Variants in XYLT1 observed in about 807,000 individuals in gnomAD.
XYLT1 encodes the protein xylosyltransferase 1.
A neutral mutation model predicts 91.3 loss-of-function variants in XYLT1; 36 were observed. The observed-to-expected ratio is 0.39, with a 90% CI of 0.30 to 0.52. XYLT1 has a LOEUF of 0.52. XYLT1 is among the 20% of genes least tolerant of loss of function. The probability of loss-of-function intolerance (pLI) is 0.68; values close to 1 mark genes in which losing one functional copy is unlikely to be tolerated. For synonymous variants in XYLT1, 588 were observed against 532.0 expected (o/e 1.11, Z -1.45); for missense variants, 1,242 against 1,284.5 (o/e 0.97, Z 0.51).
intron 1 of XYLT1, among the ~76,000 whole-genome samples, chr16:17,429,894 C>T (rs2036368483): frequency 6.6e-6 from 1 of 151,598 alleles, no homozygotes; most frequent in Non-Finnish European, 1.5e-5. Context: ...GCAGGGACTT[C>T]CCAAACTCCA....
At chr16:17,117,556 T>C (rs1276705803) in intron 11 of XYLT1, 90 bp downstream of exon 11, 1 of 1,387,288 alleles carries the variant, frequency 7.2e-7, no homozygotes, top group Admixed American at 2.2e-5. Context: ...GCTTACCCTA[T>C]GTCTGAGCAG....
At chr16:17,463,760 C>A (rs1168627812) in intron 1 of XYLT1, among the ~76,000 whole-genome samples, 1 of 152,236 alleles carries the variant, frequency 6.6e-6, no homozygotes, top group Non-Finnish European at 1.5e-5. Context: ...GAAAGGAAAT[C>A]AATAAATCCA....
chr16:17,393,815 G>A (rs562398133), intron 1 of XYLT1, among the ~76,000 whole-genome samples: 129 of 151,870 alleles, frequency 8.5e-4, no homozygotes, highest in African/African-American at 2.1e-3. Flanking sequence ...TTGCTCTGTC[G>A]CCCAGGCTAG....
At chr16:17,444,924 C>T (rs1263208477) in intron 1 of XYLT1, among the ~76,000 whole-genome samples, 1 of 152,146 alleles carries the variant, frequency 6.6e-6, no homozygotes, top group East Asian at 1.9e-4. Flanking sequence ...CTAGCTATGG[C>T]ACCTGGAGCA....
At chr16:17,196,233 G>A (rs750478286) in intron 5 of XYLT1, among the ~76,000 whole-genome samples, 15 of 152,226 alleles carry the variant, frequency 9.9e-5, no homozygotes, top group Admixed American at 3.3e-4. Context: ...TAGCTTTAAA[G>A]AGAGGTAGGT....
intron 1 of XYLT1, among the ~76,000 whole-genome samples, chr16:17,454,988 A>G (rs548834072): frequency 1.4e-3 from 208 of 146,796 alleles, no homozygotes; most frequent in Non-Finnish European, 2.0e-3. Context: ...GCAAAGGACC[A>G]GATTTGGCTT....
intron 2 of XYLT1, among the ~76,000 whole-genome samples, chr16:17,357,709 A>G (rs953351888): frequency 6.6e-6 from 1 of 152,182 alleles, no homozygotes; most frequent in South Asian, 2.1e-4. Context: ...GAACCTCCGC[A>G]TGATGGTTGG....
chr16:17,406,720 C>G (rs566622370), intron 1 of XYLT1, among the ~76,000 whole-genome samples: 1 of 152,182 alleles, frequency 6.6e-6, no homozygotes, highest in African/African-American at 2.4e-5. Flanking sequence ...TCAAAAGGGA[C>G]CACAACGCCC....
At chr16:17,449,524 G>A (rs891915686) in intron 1 of XYLT1, among the ~76,000 whole-genome samples, 16 of 152,318 alleles carry the variant, frequency 1.1e-4, no homozygotes, top group African/African-American at 1.7e-4. Context: ...TTATGCACAC[G>A]GGCTTGTGGG....
At chr16:17,264,740 A>G (rs2033776548) in intron 2 of XYLT1, among the ~76,000 whole-genome samples, 2 of 152,166 alleles carry the variant, frequency 1.3e-5, no homozygotes, top group Admixed American at 1.3e-4. Context: ...CAGTATTAGT[A>G]CTCCTTAAGA....
At chr16:17,113,284 G>T (rs1056592090) in intron 11 of XYLT1, among the ~76,000 whole-genome samples, 2 of 151,970 alleles carry the variant, frequency 1.3e-5, no homozygotes, top group African/African-American at 4.8e-5. Context: ...TGGGATTTCA[G>T]GCACCCGTCA....
At chr16:17,192,373 A>C (rs965824210) in intron 5 of XYLT1, among the ~76,000 whole-genome samples, 1 of 152,124 alleles carries the variant, frequency 6.6e-6, no homozygotes, top group Non-Finnish European at 1.5e-5. Context: ...TGCTGGTGGC[A>C]TTACAGGCAT....
In XYLT1 at chr16:17,390,547, A is replaced by G. The variant is rs1008357223; in HGVS notation, c.364-32497T>C. Among the ~76,000 whole-genome samples the G allele has an allele frequency of 2.0e-5, 3 of 152,246 alleles. No homozygotes were observed. The South Asian group carries it at 6.2e-4, about 32-fold the overall frequency. The stretch of plus-strand genomic sequence containing the variant: ...TTGCAAAAACGGTAACAGTGAGAAA[A>G]TTATGACAGTGAAAGAGGTCTGATC... On this transcript the variant is annotated intron_variant, in intron 1 of 11. Transcript: ENST00000261381.
intron 2 of XYLT1, among the ~76,000 whole-genome samples, chr16:17,269,818 T>TATTATTATTATTATTATC (rs1361680760): frequency 1.3e-4 from 20 of 149,660 alleles, no homozygotes; most frequent in South Asian, 6.3e-4. Flanking sequence ...TTATTATTAT[T>TATTATTATTATTATTATC]ATCATTATTT....
chr16:17,225,181 T>A (rs994423336), intron 3 of XYLT1, among the ~76,000 whole-genome samples: 4 of 150,550 alleles, frequency 2.7e-5, no homozygotes, highest in Non-Finnish European at 4.4e-5. Context: ...ACACACACTC[T>A]CTCTCTCTCT....
intron 1 of XYLT1, among the ~76,000 whole-genome samples, chr16:17,359,884 C>T (rs1410738837): frequency 6.6e-6 from 1 of 152,168 alleles, no homozygotes; most frequent in East Asian, 1.9e-4. Context: ...CAGAAAGAGT[C>T]TACTCTGTAC....
At chr16:17,379,759 T>TCACACACACA (rs1489816883) in intron 1 of XYLT1, among the ~76,000 whole-genome samples, 20 of 117,980 alleles carry the variant, frequency 1.7e-4, no homozygotes, top group African/African-American at 7.4e-4. Context: ...TCTCTCTCTC[T>TCACACACACA]CTCTCACACA....
Position 17,146,561 on chromosome 16 carries a change from CAGAGA to C in XYLT1, c.1371-5197_1371-5193del, listed in dbSNP as rs1359633839. 2.6e-5 allele frequency among the ~76,000 whole-genome samples: 4 copies of C among 152,262 alleles called. No individual in the cohort carries two copies. The East Asian group carries it at 7.7e-4, about 29-fold the overall frequency. On this transcript the variant is annotated intron_variant, in intron 6 of 11. Transcript: ENST00000261381. ...AAAAAACAAGGACTGATGAAATTAG[CAGAGA>C]AGTGAAGAACACACATTCTGAAATG... is the stretch of plus-strand genomic sequence containing the variant.
intron 1 of XYLT1, among the ~76,000 whole-genome samples, chr16:17,358,643 A>G (rs2035338465): frequency 6.6e-6 from 1 of 152,176 alleles, no homozygotes; most frequent in South Asian, 2.1e-4. Context: ...AGATCACACA[A>G]AACAACAAAA....
Sources: gnomAD v4.1 joint callset for allele counts (sites outside exome capture counted in the v4.1 genomes callset) on GRCh38, gnomAD v4.1.1 for gene constraint, MANE v1.5 for transcripts, NCBI Gene and HGNC (gene_info 2026-07-23, HGNC 2026-07-21) for gene names.